TDRD9: variants seen among roughly 807,000 people sequenced by gnomAD.
TDRD9 encodes tudor domain containing 9.
A neutral mutation model predicts 172.6 loss-of-function variants in TDRD9; 124 were observed. The observed-to-expected ratio is 0.72, with a 90% CI of 0.62 to 0.83. The LOEUF (loss-of-function observed/expected upper bound fraction) is 0.83. Among genes scored for constraint, TDRD9 ranks in the 40% least tolerant of loss-of-function variants. The pLI, the probability that TDRD9 is intolerant of heterozygous loss-of-function variation, is 0.00. For synonymous variants in TDRD9, 619 were observed against 617.1 expected (o/e 1.00, Z -0.05); for missense variants, 1,479 against 1,714.1 (o/e 0.86, Z 2.42).
intron 28 of TDRD9, among the ~76,000 whole-genome samples, chr14:104,028,750 G>T (rs1296217074): frequency 6.6e-6 from 1 of 152,042 alleles, no homozygotes; most frequent in Non-Finnish European, 1.5e-5. Flanking sequence ...TAAAATCCTT[G>T]CCTAGATCAG....
At chr14:104,046,689 A>G (rs939734291) in intron 34 of TDRD9, among the ~76,000 whole-genome samples, 6 of 151,568 alleles carry the variant, frequency 4.0e-5, no homozygotes, top group African/African-American at 1.2e-4. Flanking sequence ...TCTGTTGCCC[A>G]GGCTGGAGTG....
Position 104,052,525 on chromosome 14 carries a change from A to AT in TDRD9, c.*452dup, listed in dbSNP as rs1412996506. The AT allele has an allele frequency of 2.2e-4, 33 of 152,218 alleles. 1 individual carries two copies. Among genetic ancestry groups the AT allele is most frequent in the South Asian group, 1.0e-3 (5 of 4,824 alleles). 9.4% of individuals were successfully genotyped at this position (152,218 alleles called of 1,614,324 possible). On this transcript the variant is annotated 3_prime_UTR_variant, in exon 36 of 36. Transcript: ENST00000409874. ...CAAAAAAACCATGTAGTATTTTCTG[A>AT]TTTTTTTTTCCATGAGGGAAAATAT...
At chr14:103,941,268 A>G (rs2152119834) in intron 1 of TDRD9, 1 of 943,378 alleles carries the variant, frequency 1.1e-6, no homozygotes, top group South Asian at 1.8e-5. Flanking sequence ...AATGTAATTT[A>G]AAACAATTGC....
chr14:103,947,430 C>T (rs2031627216), intron 1 of TDRD9, among the ~76,000 whole-genome samples: 1 of 151,920 alleles, frequency 6.6e-6, no homozygotes, highest in African/African-American at 2.4e-5. Context: ...CAGGTTCATG[C>T]CATTCTCCTG....
intron 8 of TDRD9, 95 bp from the exon 9 acceptor site, chr14:103,991,065 C>T: frequency 1.4e-6 from 2 of 1,440,478 alleles, no homozygotes; most frequent in South Asian, 2.4e-5. Flanking sequence ...CTGTAAGAGC[C>T]TTTCAGGATT....
At position 103,928,496 on chromosome 14, in the gene TDRD9, C is replaced by G; in HGVS notation, c.-14C>G. On this transcript the variant is annotated 5_prime_UTR_variant, in exon 1 of 36. Coordinates refer to ENST00000409874, the MANE Select transcript of TDRD9 (RefSeq NM_153046.3). The stretch of plus-strand genomic sequence containing the variant: ...ACCCGGCAGTTGGGGGATGCCGACG[C>G]CTGGGCCTTGAGGATGCTGCGGAAG... 2 of 1,434,818 alleles carry G rather than the reference C, an allele frequency of 1.4e-6. No individual in the cohort carries two copies. Among genetic ancestry groups the G allele is most frequent in the Non-Finnish European group, 1.8e-6 (2 of 1,084,900 alleles). The allele number at this position is 1,434,818 out of a possible 1,614,324, so 88.9% of individuals were successfully genotyped here. A position where few individuals can be genotyped will look rare whatever the true frequency, so the allele number is the denominator to read the frequency against.
chr14:104,031,067 A>T (rs2035265621), intron 28 of TDRD9, 41 bp from the exon 29 acceptor site: 1 of 1,529,508 alleles, frequency 6.5e-7, no homozygotes, highest in South Asian at 1.2e-5. Flanking sequence ...AGTCCTTGTA[A>T]TATTTTCTTT....
intron 2 of TDRD9, among the ~76,000 whole-genome samples, chr14:103,957,269 G>C (rs75856672): frequency 0.023 from 3,528 of 152,322 alleles, 78 homozygotes; most frequent in East Asian, 0.071. Context: ...GCCTTTGGTT[G>C]TTTGCCTCCC....
At position 104,036,643 on chromosome 14, in the gene TDRD9, T is replaced by A. The variant is rs142362706; in HGVS notation, c.3716+1587T>A. ...TGATATAGTGTGTTATTTTCACAACTCCAGAGTGCAAGCGTTTAGGTTGTA... is the reference window on the plus strand; with the variant it reads ...TGATATAGTGTGTTATTTTCACAACACCAGAGTGCAAGCGTTTAGGTTGTA... On this transcript the variant is annotated intron_variant, in intron 32 of 35. Coordinates refer to ENST00000409874, the MANE Select transcript of TDRD9 (RefSeq NM_153046.3). Among the ~76,000 whole-genome samples, 13 of 152,348 alleles carry A rather than the reference T, an allele frequency of 8.5e-5. No homozygotes were observed. The East Asian group carries it at 2.5e-3, about 29-fold the overall frequency.
intron 1 of TDRD9, chr14:103,942,381 C>T (rs1210938479): frequency 2.0e-5 from 3 of 152,178 alleles, no homozygotes; most frequent in Non-Finnish European, 4.4e-5. Flanking sequence ...ATATAATGGT[C>T]TGCCTTTTCA....
chr14:104,049,521 T>C (rs919455728), intron 34 of TDRD9, 87 bp from the exon 35 acceptor site: 1 of 1,023,524 alleles, frequency 9.8e-7, no homozygotes. Context: ...GTGGGAAGCA[T>C]ATAGGATTTA....
chr14:104,006,297 G>T, intron 15 of TDRD9, 92 bp from the exon 16 acceptor site: 3 of 1,012,800 alleles, frequency 3.0e-6, no homozygotes, highest in South Asian at 3.4e-5. Flanking sequence ...CCAAAATTAG[G>T]TCTTTGTTTC....
At chr14:104,040,584 C>T (rs1475594789) in intron 33 of TDRD9, among the ~76,000 whole-genome samples, 1 of 152,204 alleles carries the variant, frequency 6.6e-6, no homozygotes, top group East Asian at 1.9e-4. Context: ...CATTTGGTGT[C>T]TCCTGGCATA....
chr14:104,003,105 A>G (rs2034317202), intron 13 of TDRD9, among the ~76,000 whole-genome samples: 1 of 151,960 alleles, frequency 6.6e-6, no homozygotes, highest in Non-Finnish European at 1.5e-5. Flanking sequence ...CTTTGTCACC[A>G]TTGTAAATGT....
chr14:103,995,868 T>G, intron 12 of TDRD9, 61 bp downstream of exon 12: 1 of 1,403,268 alleles, frequency 7.1e-7, no homozygotes, highest in Non-Finnish European at 9.7e-7. Context: ...ATTGGCTTAT[T>G]CACCTCACTC....
intron 5 of TDRD9, among the ~76,000 whole-genome samples, chr14:103,968,225 T>C (rs1171905671): frequency 1.3e-5 from 2 of 152,218 alleles, no homozygotes; most frequent in African/African-American, 4.8e-5. Context: ...TGGGGAGCGG[T>C]AACCAACAGA....
Position 103,966,654 on chromosome 14 carries a change from G to A in TDRD9, c.643-55G>A, listed in dbSNP as rs553844334. Reference sequence around the variant, plus strand: ...CTTACCCCCATTATATTAATAAAATGGACATAACTTTTTTTTTCTCTTTTT... The same window carrying A: ...CTTACCCCCATTATATTAATAAAATAGACATAACTTTTTTTTTCTCTTTTT... On this transcript the variant is annotated intron_variant, in intron 4 of 35. Coordinates refer to ENST00000409874, the MANE Select transcript of TDRD9 (RefSeq NM_153046.3). 6.4e-5 allele frequency: 92 copies of A among 1,443,596 alleles called. No individual in the cohort carries two copies. In the African/African-American group the frequency reaches 1.1e-3, roughly 17 times the overall value. 89.4% of individuals were successfully genotyped at this position (1,443,596 alleles called of 1,614,324 possible).
intron 8 of TDRD9, among the ~76,000 whole-genome samples, chr14:103,986,585 C>T (rs2033668731): frequency 6.6e-6 from 1 of 152,086 alleles, no homozygotes; most frequent in Non-Finnish European, 1.5e-5. Flanking sequence ...ATAGTTTTTC[C>T]AGACATATAG....
At chr14:103,930,638 G>C (rs558576367) in intron 1 of TDRD9, among the ~76,000 whole-genome samples, 3 of 152,216 alleles carry the variant, frequency 2.0e-5, no homozygotes, top group Admixed American at 6.5e-5. Context: ...AGAGGCATAG[G>C]GGGGACCGAG....
Sources: gnomAD v4.1 joint callset for allele counts (sites outside exome capture counted in the v4.1 genomes callset) on GRCh38, gnomAD v4.1.1 for gene constraint, MANE v1.5 for transcripts, NCBI Gene and HGNC (gene_info 2026-07-23, HGNC 2026-07-21) for gene names.